GMDS: variants seen among roughly 807,000 people sequenced by gnomAD.
The protein encoded by GMDS is GDP-mannose 4,6 dehydratase.
Under a neutral mutation model 49.9 loss-of-function variants are expected in GMDS, and 20 were observed. The observed-to-expected ratio is 0.40, with a 90% CI of 0.28 to 0.58. GMDS has a LOEUF of 0.58. Ranked by LOEUF, GMDS falls within the 20% of genes least tolerant of loss-of-function variation. The pLI is 0.42. For synonymous variants in GMDS, 177 were observed against 178.6 expected, an observed-to-expected ratio of 0.99 and a Z score of 0.07; for missense variants, 362 against 481.4, an observed-to-expected ratio of 0.75 and a Z score of 2.32.
intron 9 of GMDS, among the ~76,000 whole-genome samples, chr6:1,650,459 A>G (rs1763617364): frequency 6.6e-6 from 1 of 152,194 alleles, no homozygotes; most frequent in Non-Finnish European, 1.5e-5. Context: ...GTCCGTTCAG[A>G]TTCAGGCAGA....
intron 7 of GMDS, among the ~76,000 whole-genome samples, chr6:1,905,710 G>C (rs1760734304): frequency 7.6e-6 from 1 of 131,830 alleles, no homozygotes. Flanking sequence ...CTGCATGTGG[G>C]GCCAGCACAT....
At chr6:2,051,592 A>T (rs1438546947) in intron 4 of GMDS, among the ~76,000 whole-genome samples, 1 of 152,118 alleles carries the variant, frequency 6.6e-6, no homozygotes, top group South Asian at 2.1e-4. Context: ...TTCATAAGTG[A>T]GATTGGTCTG....
intron 4 of GMDS, among the ~76,000 whole-genome samples, chr6:2,039,518 C>A (rs1321538300): frequency 6.6e-6 from 1 of 152,002 alleles, no homozygotes; most frequent in Non-Finnish European, 1.5e-5. Context: ...ACACACTATA[C>A]AGTTAAACAA....
chr6:1,901,616 T>C (rs762377523), intron 7 of GMDS, among the ~76,000 whole-genome samples: 1 of 152,130 alleles, frequency 6.6e-6, no homozygotes, highest in Non-Finnish European at 1.5e-5. Context: ...TAGGAGAATT[T>C]TGTTGCTCTT....
intron 9 of GMDS, 43 bp downstream of exon 9, chr6:1,726,373 C>T: frequency 1.5e-6 from 2 of 1,346,408 alleles, no homozygotes; most frequent in Non-Finnish European, 2.1e-6. Context: ...CCCAGCCAGC[C>T]AGCCAAATGT....
At chr6:2,164,130 T>C (rs1272884896) in intron 1 of GMDS, among the ~76,000 whole-genome samples, 1 of 152,228 alleles carries the variant, frequency 6.6e-6, no homozygotes, top group African/African-American at 2.4e-5. Context: ...ATTAGAGCAC[T>C]TTCTGACTCA....
At chr6:2,028,995 C>CT (rs201787415) in intron 4 of GMDS, among the ~76,000 whole-genome samples, 3,312 of 141,678 alleles carry the variant, frequency 0.023, 125 homozygotes, top group African/African-American at 0.075. Context: ...TTTTTTCTTT[C>CT]TTTCTTTTTT....
At chr6:1,878,840 T>C (rs1759228321) in intron 7 of GMDS, among the ~76,000 whole-genome samples, 1 of 152,194 alleles carries the variant, frequency 6.6e-6, no homozygotes, top group Non-Finnish European at 1.5e-5. Flanking sequence ...AGATACATAC[T>C]GAAAAAAGCA....
At chr6:1,824,836 G>A (rs1413617227) in intron 7 of GMDS, among the ~76,000 whole-genome samples, 2 of 152,100 alleles carry the variant, frequency 1.3e-5, no homozygotes, top group East Asian at 1.9e-4. Context: ...TCCCAGTAAC[G>A]ATTTCATTCT....
intron 7 of GMDS, among the ~76,000 whole-genome samples, chr6:1,853,745 T>C (rs1415544779): frequency 6.6e-6 from 1 of 152,170 alleles, no homozygotes; most frequent in Non-Finnish European, 1.5e-5. Flanking sequence ...GTCTGGGAGA[T>C]AGAACCAAAA....
chr6:1,687,870 G>A (rs1469460959), intron 9 of GMDS, among the ~76,000 whole-genome samples: 1 of 152,096 alleles, frequency 6.6e-6, no homozygotes, highest in Admixed American at 6.5e-5. Context: ...GCGGGGTGAG[G>A]TTGGGGCGGG....
chr6:2,033,820 T>C (rs1769117251), intron 4 of GMDS, among the ~76,000 whole-genome samples: 1 of 152,178 alleles, frequency 6.6e-6, no homozygotes, highest in African/African-American at 2.4e-5. Flanking sequence ...TTTCAGTAGC[T>C]CTAAGATGGA....
intron 9 of GMDS, chr6:1,679,123 GT>G (rs528268765): frequency 7.7e-4 from 118 of 152,324 alleles, no homozygotes; most frequent in African/African-American, 2.8e-3. Context: ...AGACATCACT[GT>G]GCTTGTGAAA....
At chr6:2,090,342 C>T (rs73414510) in intron 4 of GMDS, among the ~76,000 whole-genome samples, 6 of 152,076 alleles carry the variant, frequency 3.9e-5, no homozygotes, top group African/African-American at 1.2e-4. Flanking sequence ...TCCTATACTT[C>T]GGAAAGAAAT....
At chr6:1,626,566 G>C (rs557197482) in intron 9 of GMDS, among the ~76,000 whole-genome samples, 38 of 152,196 alleles carry the variant, frequency 2.5e-4, no homozygotes, top group Admixed American at 7.2e-4. Flanking sequence ...GTGCAATGTG[G>C]AGTCATGCAG....
intron 7 of GMDS, among the ~76,000 whole-genome samples, chr6:1,743,006 T>TAGTA (rs1767334052): frequency 6.6e-6 from 1 of 152,216 alleles, no homozygotes; most frequent in East Asian, 1.9e-4. Flanking sequence ...ATATCATAGA[T>TAGTA]AGTAGTCAAG....
chr6:1,989,103 T>C (rs1231994518), intron 4 of GMDS, among the ~76,000 whole-genome samples: 1 of 152,216 alleles, frequency 6.6e-6, no homozygotes, highest in Non-Finnish European at 1.5e-5. Flanking sequence ...TTATTCCACA[T>C]GACAGAACTG....
chr6:1,636,833 C>A (rs539792533), intron 9 of GMDS, among the ~76,000 whole-genome samples: 1 of 152,206 alleles, frequency 6.6e-6, no homozygotes, highest in Non-Finnish European at 1.5e-5. Flanking sequence ...ATGGGAATGG[C>A]GTGGAAGGCA....
chr6:2,218,824 A>G (rs1028353098), intron 1 of GMDS, among the ~76,000 whole-genome samples: 2 of 152,222 alleles, frequency 1.3e-5, no homozygotes, highest in African/African-American at 4.8e-5. Context: ...TACATTATGA[A>G]ACTGAGGTTT....
Sources: allele counts gnomAD v4.1 joint callset (sites outside exome capture counted in the v4.1 genomes callset), GRCh38; gene constraint gnomAD v4.1.1; transcripts MANE v1.5; gene names NCBI Gene and HGNC (gene_info 2026-07-23, HGNC 2026-07-21).